Variants in LIPA observed in about 807,000 individuals in gnomAD.
LIPA encodes lipase A, lysosomal acid type.
LIPA carries 26 observed loss-of-function variants against 40.6 expected under a neutral mutation model. The observed-to-expected ratio is 0.64, with a 90% CI of 0.47 to 0.89. LIPA has a LOEUF of 0.89. LIPA is among the 40% of genes least tolerant of loss of function. The probability of loss-of-function intolerance (pLI) is 0.00; values close to 1 mark genes in which losing one functional copy is unlikely to be tolerated. For missense variants in LIPA, 455 were observed against 479.6 expected (o/e 0.95, Z 0.48); for synonymous variants, 188 against 168.4 (o/e 1.12, Z -0.90).
intron 2 of LIPA, among the ~76,000 whole-genome samples, chr10:89,409,872 T>C (rs1057102558): frequency 6.6e-6 from 1 of 152,232 alleles, no homozygotes; most frequent in Non-Finnish European, 1.5e-5. Context: ...GCTGGAGCTA[T>C]TATCTAAACG....
chr10:89,301,681 T>A (rs1218829373), intron 1 of LIPA, among the ~76,000 whole-genome samples: 1 of 152,250 alleles, frequency 6.6e-6, no homozygotes, highest in Non-Finnish European at 1.5e-5. Context: ...TCTGTGTATA[T>A]CTTTAACAGT....
intron 1 of LIPA, among the ~76,000 whole-genome samples, chr10:89,290,916 C>A (rs1843370521): frequency 6.6e-6 from 1 of 152,190 alleles, no homozygotes; most frequent in South Asian, 2.1e-4. Flanking sequence ...AAATAGATTT[C>A]TTTGGAAAAT....
chr10:89,378,735 G>A (rs965967979), intron 2 of LIPA, among the ~76,000 whole-genome samples: 2 of 152,170 alleles, frequency 1.3e-5, no homozygotes, highest in Non-Finnish European at 2.9e-5. Context: ...AGATTCAGAG[G>A]GGCAAGATGA....
Position 89,376,436 on chromosome 10 carries a change from C to T in LIPA, c.61+36355G>A, listed in dbSNP as rs186029802. Among the ~76,000 whole-genome samples the T allele has an allele frequency of 3.9e-3, 590 of 152,242 alleles. 1 individual carries two copies. The highest frequency in any genetic ancestry group is 0.014 in the Middle Eastern group (4 of 292). ...TGTGAATGCATAAGATCTTATGTGACGTTCCTTTTCTGGGTAGTCCTTCTT... is the reference window on the plus strand; with the variant it reads ...TGTGAATGCATAAGATCTTATGTGATGTTCCTTTTCTGGGTAGTCCTTCTT... On this transcript the variant is annotated intron_variant, in intron 2 of 8. Coordinates refer to the LIPA transcript ENST00000371837.
chr10:89,413,762 G>C (rs1180961151), intron 1 of LIPA, among the ~76,000 whole-genome samples: 1 of 111,198 alleles, frequency 9.0e-6, no homozygotes, highest in Non-Finnish European at 1.7e-5. Context: ...GTGAGACCCT[G>C]TCTCAAAAAA....
At chr10:89,263,925 T>G (rs1189417575) in intron 1 of LIPA, among the ~76,000 whole-genome samples, 1 of 152,258 alleles carries the variant, frequency 6.6e-6, no homozygotes, top group Non-Finnish European at 1.5e-5. Context: ...GCCAGTTCTG[T>G]GCAAGCCTAC....
chr10:89,298,598 A>G (rs1484785019), intron 1 of LIPA, among the ~76,000 whole-genome samples: 1 of 152,234 alleles, frequency 6.6e-6, no homozygotes, highest in Non-Finnish European at 1.5e-5. Context: ...GTGAAAGGAC[A>G]CAGGAAGCAT....
In LIPA at chr10:89,371,700, G is replaced by A. The variant is rs1844092594; in HGVS notation, c.61+41091C>T. Among the ~76,000 whole-genome samples the A allele has an allele frequency of 2.0e-5, 3 of 152,304 alleles. No homozygotes were observed. In the South Asian group the frequency reaches 6.2e-4, roughly 32 times the overall value. On this transcript the variant is annotated intron_variant, in intron 2 of 8. Transcript: ENST00000371837. ...CCTGACAATGAATGCTGCTTTGGAGGCTTGTGAGTACTACTTGTAAAGATC... is the reference window on the plus strand; with the variant it reads ...CCTGACAATGAATGCTGCTTTGGAGACTTGTGAGTACTACTTGTAAAGATC...
chr10:89,228,815 C>T (rs1174585446), intron 3 of LIPA, among the ~76,000 whole-genome samples: 1 of 152,132 alleles, frequency 6.6e-6, no homozygotes, highest in East Asian at 1.9e-4. Flanking sequence ...CATCACTATA[C>T]ACGTATCAGA....
chr10:89,386,383 G>GT (rs1844210321), intron 2 of LIPA, among the ~76,000 whole-genome samples: 1 of 152,200 alleles, frequency 6.6e-6, no homozygotes, highest in Non-Finnish European at 1.5e-5. Flanking sequence ...AAGCACAGGA[G>GT]TAACACCTTT....
chr10:89,350,938 G>GTT (rs1053724226), intron 2 of LIPA, among the ~76,000 whole-genome samples: 1 of 151,912 alleles, frequency 6.6e-6, no homozygotes, highest in Non-Finnish European at 1.5e-5. Flanking sequence ...ATACAACTGA[G>GTT]TTTTTGCTTA....
At chr10:89,280,993 A>G (rs1843311505) in intron 1 of LIPA, among the ~76,000 whole-genome samples, 1 of 152,256 alleles carries the variant, frequency 6.6e-6, no homozygotes, top group African/African-American at 2.4e-5. Flanking sequence ...AAGCACGTTA[A>G]TATATTTCCA....
At chr10:89,296,206 A>G (rs905395885) in intron 1 of LIPA, among the ~76,000 whole-genome samples, 1 of 152,110 alleles carries the variant, frequency 6.6e-6, no homozygotes, top group Non-Finnish European at 1.5e-5. Flanking sequence ...TTGTAAATAG[A>G]AGCCAGGCAC....
chr10:89,267,751 A>T (rs1843245524), intron 1 of LIPA, among the ~76,000 whole-genome samples: 1 of 112,980 alleles, frequency 8.9e-6, no homozygotes, highest in Admixed American at 9.3e-5. Flanking sequence ...AAGAAACTTA[A>T]AAAAAAAAAA....
chr10:89,263,876 G>T (rs534923597), intron 1 of LIPA, among the ~76,000 whole-genome samples: 1 of 152,388 alleles, frequency 6.6e-6, no homozygotes, highest in South Asian at 2.1e-4. Context: ...CAAGCCAGCT[G>T]CTCTGGTGGG....
At chr10:89,227,105 G>C (rs551345546) in intron 4 of LIPA, 101 bp from the exon 5 acceptor site, 10 of 808,708 alleles carry the variant, frequency 1.2e-5, no homozygotes, top group Non-Finnish European at 1.9e-5. Context: ...ACTAAACACA[G>C]CTGGGAAAAC....
Position 89,375,335 on chromosome 10 carries a change from T to G in LIPA, c.61+37456A>C, listed in dbSNP as rs140482821. On this transcript the variant is annotated intron_variant, in intron 2 of 8. Transcript: ENST00000371837. The stretch of plus-strand genomic sequence containing the variant: ...TGGCCTTCACTACTGAGCAACATCA[T>G]CTTGTGCGCACAAAGACAAGTAAAG... Among the ~76,000 whole-genome samples the G allele has an allele frequency of 7.9e-5, 12 of 152,302 alleles. No individual in the cohort carries two copies. In the South Asian group the frequency reaches 2.5e-3, roughly 32 times the overall value.
upstream of LIPA, among the ~76,000 whole-genome samples, chr10:89,252,730 A>G (rs948409316): frequency 4.1e-5 from 6 of 147,418 alleles, no homozygotes; most frequent in Non-Finnish European, 7.4e-5. Flanking sequence ...GGCTTGAACC[A>G]GGTAGGTGGA....
intron 2 of LIPA, among the ~76,000 whole-genome samples, chr10:89,364,630 A>G (rs1367640046): frequency 1.3e-5 from 2 of 150,098 alleles, no homozygotes; most frequent in African/African-American, 2.4e-5. Flanking sequence ...AAATAGTTCT[A>G]AAGTATTCAT....
Sources: allele counts gnomAD v4.1 joint callset (sites outside exome capture counted in the v4.1 genomes callset), GRCh38; gene constraint gnomAD v4.1.1; transcripts MANE v1.5; gene names NCBI Gene and HGNC (gene_info 2026-07-23, HGNC 2026-07-21).